The following KDM3A variants were observed in gnomAD, a reference collection of about 807,000 sequenced individuals.
The protein encoded by KDM3A is lysine demethylase 3A.
In KDM3A, 60 loss-of-function variants were observed where a neutral mutation model predicts 158.0. The observed-to-expected ratio is 0.38, with a 90% CI of 0.31 to 0.47. KDM3A has a LOEUF of 0.47. Among genes scored for constraint, KDM3A ranks in the 20% least tolerant of loss-of-function variants. KDM3A has a pLI of 0.99. For missense variants in KDM3A, 1,319 were observed against 1,574.3 expected, an observed-to-expected ratio of 0.84 and a Z score of 2.74; for synonymous variants, 608 against 549.3, an observed-to-expected ratio of 1.11 and a Z score of -1.49.
In KDM3A at chr2:86,478,783, G is replaced by A. The variant is rs1269607145; in HGVS notation, c.2316+48G>A. 4 of 1,583,516 alleles carry A rather than the reference G, an allele frequency of 2.5e-6. No individual in the cohort carries two copies. The East Asian group carries it at 6.7e-5, about 27-fold the overall frequency. ...TCAACATCTCTTGTAATTGTCATTT[G>A]TCTGTTTTTCAAATAACCCAAGGAT... On this transcript the variant is annotated intron_variant, in intron 15 of 25. Coordinates refer to ENST00000312912, the MANE Select transcript of KDM3A (RefSeq NM_018433.6).
intron 8 of KDM3A, among the ~76,000 whole-genome samples, chr2:86,461,750 CAG>C (rs1282219677): frequency 1.3e-5 from 2 of 152,034 alleles, no homozygotes; most frequent in African/African-American, 4.8e-5. Flanking sequence ...TGAGGGTGAA[CAG>C]AGAGAACCAA....
chr2:86,485,755 C>T lies in KDM3A; in HGVS notation c.3209C>T (p.Pro1070Leu). The change falls in exon 21 of 26, where the codon CCA becomes CTA. Residue 1070 changes from proline to leucine, a missense_variant. By Grantham distance (98) the Pro-to-Leu change is moderately conservative. Around this residue, in one of 4 missense-constraint regions of KDM3A, gnomAD observed 186 missense variants for 340.9 expected, o/e 0.55. Coordinates refer to ENST00000312912, the MANE Select transcript of KDM3A (RefSeq NM_018433.6). ...TTTGATGATCTGATGGCCAACATTC[C>T]ACTGCCCGAGTACACAAGGCGAGAT... ...SRFDDLMANI[P>L]LPEYTRRDGK... The T allele has an allele frequency of 6.2e-7, 1 of 1,614,062 alleles. No homozygotes were observed. Among genetic ancestry groups the T allele is most frequent in the South Asian group, 1.1e-5 (1 of 91,082 alleles).
Position 86,482,450 on chromosome 2 carries a change from C to T in KDM3A, c.2686-8C>T. Reference sequence around the variant, plus strand: ...ATATTTGAGACTTTTGTTCTTTCTCCAATTCAGACAGAAAATGGACTCAAG... The same window carrying T: ...ATATTTGAGACTTTTGTTCTTTCTCTAATTCAGACAGAAAATGGACTCAAG... On this transcript the variant is annotated splice_region_variant and splice_polypyrimidine_tract_variant and intron_variant, in intron 17 of 25. Transcript: ENST00000312912. 2 of 1,611,594 alleles carry T rather than the reference C, an allele frequency of 1.2e-6. No individual in the cohort carries two copies. The highest frequency in any genetic ancestry group is 1.7e-6 in the Non-Finnish European group (2 of 1,179,244).
intron 11 of KDM3A, among the ~76,000 whole-genome samples, chr2:86,472,927 C>T (rs1673483228): frequency 6.6e-6 from 1 of 152,120 alleles, no homozygotes; most frequent in Non-Finnish European, 1.5e-5. Context: ...CCTTCTTTAC[C>T]TAATTGTCTA....
rs1314236874 is a variant in KDM3A, at chr2:86,442,323, C to T, written c.186+90C>T. On this transcript the variant is annotated intron_variant, in intron 2 of 25. Transcript: ENST00000312912. ...GTTCCCTCCTTCCGTTTTCTGAAAA[C>T]GGAGACCAGAAAGTTGGCATATGAT... 8.0e-6 allele frequency: 10 copies of T among 1,252,180 alleles called. No homozygotes were observed. In the African/African-American group the frequency reaches 9.0e-5, roughly 11 times the overall value. The allele number at this position is 1,252,180 out of a possible 1,614,324, so 77.6% of individuals were successfully genotyped here. A position where few individuals can be genotyped will look rare whatever the true frequency, so the allele number is the denominator to read the frequency against.
upstream of KDM3A, among the ~76,000 whole-genome samples, chr2:86,440,074 CT>C (rs1226335211): frequency 6.6e-6 from 1 of 152,118 alleles, no homozygotes; most frequent in Non-Finnish European, 1.5e-5. Flanking sequence ...GTTCTGGTTT[CT>C]TTTGCTTATC....
chr2:86,444,862 A>G (rs968362073), intron 2 of KDM3A, among the ~76,000 whole-genome samples: 2 of 152,212 alleles, frequency 1.3e-5, no homozygotes, highest in Admixed American at 1.3e-4. Flanking sequence ...TTAGATGACA[A>G]AAAGAGAATA....
chr2:86,470,333 G>T lies in KDM3A; in HGVS notation c.1649G>T (p.Arg550Leu). Residue 550 changes from arginine (R) to leucine (L), a missense_variant, in exon 11 of 26, where the codon CGC becomes CTC. Coordinates refer to ENST00000312912, the MANE Select transcript of KDM3A (RefSeq NM_018433.6). ...VAQLPKCREC[R>L]LDSLRKDKEQ... The stretch of plus-strand genomic sequence containing the variant: ...CAGTTGCCTAAATGCCGAGAGTGTC[G>T]CTTGGACAGTCTCCGCAAGGATAAG... 1 of 1,614,044 alleles carries T rather than the reference G, an allele frequency of 6.2e-7. No homozygotes were observed. Among genetic ancestry groups the T allele is most frequent in the African/African-American group, 1.3e-5 (1 of 75,020 alleles).
At chr2:86,484,851 G>A (rs1674107460) in intron 19 of KDM3A, 91 bp from the exon 20 acceptor site, 5 of 680,518 alleles carry the variant, frequency 7.3e-6, no homozygotes, top group Non-Finnish European at 1.3e-5. Context: ...TATTTTATTT[G>A]TATTGTTGAG....
At chr2:86,437,165 G>C (rs1011659723), upstream of KDM3A, among the ~76,000 whole-genome samples, 7 of 151,588 alleles carry the variant, frequency 4.6e-5, no homozygotes, top group African/African-American at 7.3e-5. Flanking sequence ...TTTTGAGACA[G>C]AGTCTTGCTT....
In KDM3A at chr2:86,474,809, A is replaced by G. The variant is rs368909599; in HGVS notation, c.1758A>G (p.Val586=). The G allele has an allele frequency of 3.1e-6, 5 of 1,603,192 alleles. No individual in the cohort carries two copies. Among genetic ancestry groups the G allele is most frequent in the East Asian group, 4.5e-5 (2 of 44,416 alleles). Residue 586 remains valine (V), a synonymous_variant, in exon 12 of 26, where the codon GTA becomes GTG. Transcript: ENST00000312912. ...LQFNKHGVLR[V]EGFLTPNKYD... The stretch of plus-strand genomic sequence containing the variant: ...TCAACAAACATGGTGTGTTGCGGGT[A>G]GAAGGCTTCTTAACACCAAACAAGT...
intron 5 of KDM3A, 102 bp from the exon 6 acceptor site, chr2:86,456,340 G>GT (rs761774203): frequency 3.4e-5 from 29 of 846,740 alleles, no homozygotes; most frequent in African/African-American, 7.2e-5. Context: ...TTACTTTTGC[G>GT]TTTTTTTAAA....
rs1359330481 is a variant in KDM3A, at chr2:86,485,015, T to C, written c.3168T>C (p.Asp1056=). ...GGCCACCAGGAGAAGATTTTAGAGA[T>C]ATGATGCCTTCCAGGTATGATTATG... The part of the protein sequence containing the change: ...KDWPPGEDFR[D]MMPSRFDDLM... The change falls in exon 20 of 26, where the codon GAT becomes GAC. Residue 1056 remains aspartate, a synonymous_variant. Transcript: ENST00000312912. The C allele has an allele frequency of 6.4e-7, 1 of 1,572,782 alleles. No homozygotes were observed. The highest frequency in any genetic ancestry group is 8.8e-7 in the Non-Finnish European group (1 of 1,142,528).
rs778519797 is a variant in KDM3A at position 86,489,554 on chromosome 2, C to T, written c.3468C>T (p.Asp1156=). Residue 1156 remains aspartate, a synonymous_variant, in exon 23 of 26, where the codon GAC becomes GAT. Coordinates refer to ENST00000312912, the MANE Select transcript of KDM3A (RefSeq NM_018433.6). The part of the protein sequence containing the change: ...VLKTIQDGDS[D]ELTIKRFIEG... ...AGACCATCCAAGATGGAGATTCTGA[C>T]GAACTCACAATAAAGCGATTTATTG... 2.8e-5 allele frequency: 45 copies of T among 1,613,584 alleles called. No individual in the cohort carries two copies. The highest frequency in any genetic ancestry group is 1.6e-4 in the Middle Eastern group (1 of 6,080).
intron 4 of KDM3A, among the ~76,000 whole-genome samples, chr2:86,453,750 G>T (rs533672443): frequency 1.3e-5 from 2 of 152,262 alleles, no homozygotes; most frequent in East Asian, 3.9e-4. Flanking sequence ...CCCTAGGTTT[G>T]TCTAATGTTA....
chr2:86,486,157 G>C (rs1674170241), intron 21 of KDM3A, among the ~76,000 whole-genome samples: 1 of 152,128 alleles, frequency 6.6e-6, no homozygotes, highest in Non-Finnish European at 1.5e-5. Context: ...AATGGTGTGT[G>C]ATACATCATT....
At chr2:86,489,864 CCTTGT>C (rs1674373174) in intron 23 of KDM3A, 1 of 468,534 alleles carries the variant, frequency 2.1e-6, no homozygotes, top group Non-Finnish European at 3.7e-6. Flanking sequence ...AAAAAGCAGG[CCTTGT>C]CTTTTATGTC....
chr2:86,481,912 G>A lies in KDM3A; in HGVS notation c.2513-18G>A, dbSNP rs1673949026. 6.3e-7 allele frequency: 1 copy of A among 1,593,054 alleles called. No homozygotes were observed. The highest frequency in any genetic ancestry group is 8.6e-7 in the Non-Finnish European group (1 of 1,164,022). On this transcript the variant is annotated intron_variant, in intron 16 of 25. Coordinates refer to ENST00000312912, the MANE Select transcript of KDM3A (RefSeq NM_018433.6). ...TTTCAGAATGTTTTTTCATCTGGAT[G>A]TTTTGGTTTTATTTTAGAAAAACAA...
chr2:86,487,789 A>T (rs1338741270), intron 21 of KDM3A: 1 of 151,988 alleles, frequency 6.6e-6, no homozygotes, highest in Non-Finnish European at 1.5e-5. Flanking sequence ...TTTTGGTTTC[A>T]TCTCAGTTTA....
Sources: gnomAD v4.1 joint callset for allele counts (sites outside exome capture counted in the v4.1 genomes callset) on GRCh38, gnomAD v4.1.1 for gene constraint, gnomAD v4.1.1 regional missense constraint, MANE v1.5 for transcripts, NCBI Gene and HGNC (gene_info 2026-07-23, HGNC 2026-07-21) for gene names.